TTLL5: variants seen among roughly 807,000 people sequenced by gnomAD.
The protein encoded by TTLL5 is tubulin polyglutamylase TTLL5.
In TTLL5, 132 loss-of-function variants were observed where a neutral mutation model predicts 168.4. That is an observed-to-expected ratio of 0.78 (90% CI 0.68 to 0.91). TTLL5 has a LOEUF of 0.91. Among genes scored for constraint, TTLL5 ranks in the 40% least tolerant of loss-of-function variants. TTLL5 has a pLI of 0.00. For synonymous variants in TTLL5, 546 were observed against 558.6 expected, an observed-to-expected ratio of 0.98 and a Z score of 0.32; for missense variants, 1,545 against 1,581.5, an observed-to-expected ratio of 0.98 and a Z score of 0.39.
intron 27 of TTLL5, among the ~76,000 whole-genome samples, chr14:75,810,337 TTCTCTC>T (rs142112640): frequency 6.7e-6 from 1 of 150,040 alleles, no homozygotes; most frequent in Admixed American, 6.7e-5. Context: ...CTAAATCATC[TTCTCTC>T]TCTCTCTCTC....
intron 28 of TTLL5, among the ~76,000 whole-genome samples, chr14:75,834,075 A>G (rs908695638): frequency 6.6e-6 from 1 of 152,242 alleles, no homozygotes; most frequent in Non-Finnish European, 1.5e-5. Context: ...CCAGTAGGGA[A>G]GAAATCATCA....
chr14:75,683,874 A>G (rs959875730), intron 5 of TTLL5: 4 of 391,906 alleles, frequency 1.0e-5, no homozygotes, highest in African/African-American at 6.3e-5. Flanking sequence ...CCTGAGTTCA[A>G]GCAATTCTCC....
At chr14:75,920,246 T>C (rs2033778815) in intron 31 of TTLL5, among the ~76,000 whole-genome samples, 1 of 152,194 alleles carries the variant, frequency 6.6e-6, no homozygotes, top group Admixed American at 6.5e-5. Context: ...AGACCTCTTG[T>C]AGCCCAACAA....
chr14:75,932,794 T>C (rs2034317127), intron 31 of TTLL5, among the ~76,000 whole-genome samples: 2 of 152,202 alleles, frequency 1.3e-5, no homozygotes, highest in South Asian at 4.1e-4. Flanking sequence ...TGCTTTGCTA[T>C]GCACTCAAAA....
At position 75,673,827 on chromosome 14, in the gene TTLL5, A is replaced by T. The variant is rs7156878; in HGVS notation, c.181+4305A>T. On this transcript the variant is annotated intron_variant, in intron 3 of 31. Transcript: ENST00000298832. Reference sequence around the variant, plus strand: ...CCCCAAGGATCCTTGTGTTCTAGTCACCTCAGCAAGTTGCCAAGTTACCAT... The same window carrying T: ...CCCCAAGGATCCTTGTGTTCTAGTCTCCTCAGCAAGTTGCCAAGTTACCAT... Among the ~76,000 whole-genome samples, 88 of 152,296 alleles carry T rather than the reference A, an allele frequency of 5.8e-4. No homozygotes were observed. In the East Asian group the frequency reaches 0.014, roughly 24 times the overall value.
intron 30 of TTLL5, among the ~76,000 whole-genome samples, chr14:75,899,744 A>C (rs2032835887): frequency 6.6e-6 from 1 of 152,138 alleles, no homozygotes. Flanking sequence ...TCTTCAGTAA[A>C]GAACGGGATA....
At chr14:75,765,555 A>C (rs1890918635) in intron 19 of TTLL5, among the ~76,000 whole-genome samples, 1 of 152,104 alleles carries the variant, frequency 6.6e-6, no homozygotes, top group African/African-American at 2.4e-5. Flanking sequence ...GAAGATTATT[A>C]ATAGGTTTTA....
chr14:75,949,757 C>T (rs982063269), intron 31 of TTLL5, among the ~76,000 whole-genome samples: 15 of 150,962 alleles, frequency 9.9e-5, no homozygotes, highest in African/African-American at 3.2e-4. Context: ...GACTGAGGCA[C>T]GAGAATCGCT....
intron 30 of TTLL5, among the ~76,000 whole-genome samples, chr14:75,888,811 TG>T (rs2032247246): frequency 6.6e-6 from 1 of 151,932 alleles, no homozygotes; most frequent in Non-Finnish European, 1.5e-5. Context: ...GGCAGGTGCC[TG>T]TAATCCCAGC....
At chr14:75,886,576 A>G in intron 30 of TTLL5, 1 of 1,130,604 alleles carries the variant, frequency 8.8e-7, no homozygotes, top group South Asian at 1.4e-5. Context: ...TATTTCATTT[A>G]GCTAAATCTC....
chr14:75,709,197 G>A (rs1886871828), intron 9 of TTLL5: 1 of 761,934 alleles, frequency 1.3e-6, no homozygotes, highest in Admixed American at 1.7e-5. Flanking sequence ...ATTGGAAGAT[G>A]GGAAATACCA....
intron 30 of TTLL5, among the ~76,000 whole-genome samples, chr14:75,893,901 A>G (rs1234325296): frequency 9.9e-5 from 15 of 152,068 alleles, no homozygotes; most frequent in Admixed American, 9.8e-4. Context: ...AATTCAAACT[A>G]GGAAATAGTA....
intron 27 of TTLL5, among the ~76,000 whole-genome samples, chr14:75,798,037 A>T (rs532258157): frequency 6.6e-6 from 1 of 151,964 alleles, no homozygotes; most frequent in South Asian, 2.1e-4. Context: ...TTCTTCTTGA[A>T]TGCCTGATGG....
chr14:75,705,111 T>C (rs1163702417), intron 7 of TTLL5, among the ~76,000 whole-genome samples: 1 of 152,208 alleles, frequency 6.6e-6, no homozygotes, highest in East Asian at 1.9e-4. Flanking sequence ...AGATTCAAAA[T>C]GGAGATAGTA....
chr14:75,790,125 G>C (rs1043339809), intron 26 of TTLL5, among the ~76,000 whole-genome samples: 3 of 152,126 alleles, frequency 2.0e-5, no homozygotes, highest in African/African-American at 7.2e-5. Flanking sequence ...AAATGCTTCT[G>C]GGGTAATTGT....
intron 31 of TTLL5, among the ~76,000 whole-genome samples, chr14:75,926,048 G>C (rs1244894516): frequency 6.7e-6 from 1 of 149,184 alleles, no homozygotes; most frequent in East Asian, 1.9e-4. Flanking sequence ...GGGAAAGAGA[G>C]GGAGAGGGAG....
chr14:75,737,741 A>C, intron 15 of TTLL5: 1 of 851,476 alleles, frequency 1.2e-6, no homozygotes, highest in Non-Finnish European at 1.8e-6. Context: ...AACAAAGTGA[A>C]TGAAAATGAA....
chr14:75,845,715 T>C (rs924045582), intron 28 of TTLL5, among the ~76,000 whole-genome samples: 9 of 152,208 alleles, frequency 5.9e-5, no homozygotes, highest in African/African-American at 2.2e-4. Context: ...GGTGATACCA[T>C]TTGTCCATGG....
chr14:75,862,083 C>T (rs1438135220), intron 28 of TTLL5, among the ~76,000 whole-genome samples: 1 of 152,172 alleles, frequency 6.6e-6, no homozygotes, highest in Non-Finnish European at 1.5e-5. Flanking sequence ...TTCCAGGTAC[C>T]TCACATAAGT....
Sources: gnomAD v4.1 joint callset for allele counts (sites outside exome capture counted in the v4.1 genomes callset) on GRCh38, gnomAD v4.1.1 for gene constraint, MANE v1.5 for transcripts, NCBI Gene and HGNC (gene_info 2026-07-23, HGNC 2026-07-21) for gene names.